The following CNTNAP2 variants were observed in gnomAD, a reference collection of about 807,000 sequenced individuals.
The protein encoded by CNTNAP2 is contactin-associated protein-like 2.
Under a neutral mutation model 155.2 loss-of-function variants are expected in CNTNAP2, and 98 were observed. The ratio of observed to expected loss-of-function variants is 0.63; its 90% CI spans 0.54 to 0.75. CNTNAP2 has a LOEUF of 0.75. Ranked by LOEUF, CNTNAP2 falls within the 30% of genes least tolerant of loss-of-function variation. CNTNAP2 has a pLI of 0.00. For missense variants in CNTNAP2, 1,727 were observed against 1,688.1 expected, an observed-to-expected ratio of 1.02 and a Z score of -0.40; for synonymous variants, 651 against 631.2, an observed-to-expected ratio of 1.03 and a Z score of -0.47.
intron 9 of CNTNAP2, among the ~76,000 whole-genome samples, chr7:147,384,110 G>A (rs1796588518): frequency 6.6e-6 from 1 of 152,140 alleles, no homozygotes; most frequent in Non-Finnish European, 1.5e-5. Context: ...GGAAGAAAGG[G>A]TTTGGTTTTC....
In CNTNAP2 at chr7:146,218,540, C is replaced by CAA. The variant is rs78215145; in HGVS notation, c.97+101574_97+101575dup. On this transcript the variant is annotated intron_variant, in intron 1 of 23. Transcript: ENST00000361727. ...AAAAACAAAAACAAAAACAAACAAA[C>CAA]AAAAAAAATTGCCATCAAGGTTAAA... is the stretch of plus-strand genomic sequence containing the variant. Among the ~76,000 whole-genome samples the CAA allele has an allele frequency of 3.5e-3, 522 of 151,212 alleles. 3 individuals are homozygous for CAA. The highest frequency in any genetic ancestry group is 9.8e-3 in the South Asian group (47 of 4,812).
At chr7:147,375,324 G>A (rs1394364658) in intron 9 of CNTNAP2, among the ~76,000 whole-genome samples, 1 of 151,916 alleles carries the variant, frequency 6.6e-6, no homozygotes, top group Non-Finnish European at 1.5e-5. Context: ...CAATTTTTAA[G>A]TAACTCAGTA....
At chr7:147,980,933 C>CA (rs34927518) in intron 15 of CNTNAP2, among the ~76,000 whole-genome samples, 2,892 of 93,940 alleles carry the variant, frequency 0.031, 182 homozygotes, top group African/African-American at 0.11. Context: ...TCCATCTTAA[C>CA]AAAAAAAAAA....
intron 13 of CNTNAP2, among the ~76,000 whole-genome samples, chr7:147,722,431 T>C (rs994080940): frequency 2.0e-5 from 3 of 152,128 alleles, no homozygotes; most frequent in East Asian, 1.9e-4. Flanking sequence ...AAAACTCTTA[T>C]CAAAGTATGA....
chr7:147,919,283 A>T (rs1800215795), intron 14 of CNTNAP2, among the ~76,000 whole-genome samples: 1 of 151,488 alleles, frequency 6.6e-6, no homozygotes, highest in Non-Finnish European at 1.5e-5. Context: ...TATGTTTGTC[A>T]GGTTTTGTTT....
rs565532346 is a variant in CNTNAP2, at chr7:147,717,573, G to A, written c.2098+78267G>A. On this transcript the variant is annotated intron_variant, in intron 13 of 23. Transcript: ENST00000361727. ...TTATTTCTTCCAATTTAGAATTTAC[G>A]GTGAGTTATAGAACTTACACTGCAA... Among the ~76,000 whole-genome samples, 54 of 152,028 alleles carry A rather than the reference G, an allele frequency of 3.6e-4. 1 individual carries two copies. Among genetic ancestry groups the A allele is most frequent in the African/African-American group, 1.2e-3 (48 of 41,464 alleles).
intron 2 of CNTNAP2, among the ~76,000 whole-genome samples, chr7:146,774,958 T>G (rs1346344345): frequency 6.6e-6 from 1 of 152,146 alleles, no homozygotes; most frequent in African/African-American, 2.4e-5. Context: ...TTTCTAGCAA[T>G]TCACTGAGAG....
intron 11 of CNTNAP2, among the ~76,000 whole-genome samples, chr7:147,496,269 T>TC (rs1337436927): frequency 6.6e-6 from 1 of 152,158 alleles, no homozygotes; most frequent in Non-Finnish European, 1.5e-5. Context: ...GAAACCAGTC[T>TC]CTGGTGCCAA....
chr7:147,789,700 G>C (rs1201108824), intron 13 of CNTNAP2, among the ~76,000 whole-genome samples: 2 of 152,204 alleles, frequency 1.3e-5, no homozygotes, highest in Non-Finnish European at 2.9e-5. Context: ...TTGGCTGCTA[G>C]CAGGGCAAGA....
chr7:147,048,685 C>T (rs1799414833), intron 4 of CNTNAP2, among the ~76,000 whole-genome samples: 1 of 152,164 alleles, frequency 6.6e-6, no homozygotes, highest in South Asian at 2.1e-4. Context: ...AACTGTGGAA[C>T]CAAATTTTTA....
intron 8 of CNTNAP2, among the ~76,000 whole-genome samples, chr7:147,183,446 A>C (rs1802506797): frequency 6.6e-6 from 1 of 152,132 alleles, no homozygotes; most frequent in Non-Finnish European, 1.5e-5. Context: ...AGTCCTTTAC[A>C]CCATCTCGTC....
intron 1 of CNTNAP2, among the ~76,000 whole-genome samples, chr7:146,530,474 T>C (rs372240130): frequency 2.8e-4 from 43 of 152,206 alleles, no homozygotes; most frequent in African/African-American, 9.6e-4. Flanking sequence ...AGTTACAAAC[T>C]GTGCATCCAA....
intron 14 of CNTNAP2, among the ~76,000 whole-genome samples, chr7:147,905,815 C>T (rs865885733): frequency 6.6e-5 from 10 of 151,782 alleles, no homozygotes; most frequent in Admixed American, 1.3e-4. Context: ...ACCCAGGAGG[C>T]GGAGCTTGCA....
chr7:146,465,835 C>G (rs1796709682), intron 1 of CNTNAP2, among the ~76,000 whole-genome samples: 1 of 152,094 alleles, frequency 6.6e-6, no homozygotes. Flanking sequence ...TTGGCTAAGA[C>G]ACTAAGAATG....
At chr7:146,888,847 G>T (rs1482688410) in intron 3 of CNTNAP2, among the ~76,000 whole-genome samples, 1 of 151,960 alleles carries the variant, frequency 6.6e-6, no homozygotes, top group African/African-American at 2.4e-5. Flanking sequence ...AGGGGAAGGG[G>T]AAATGGGGAT....
intron 1 of CNTNAP2, among the ~76,000 whole-genome samples, chr7:146,286,075 T>C (rs1365840641): frequency 2.3e-5 from 3 of 131,018 alleles, no homozygotes; most frequent in African/African-American, 9.0e-5. Context: ...TCCCAGGCAG[T>C]TGGTTTATAG....
rs147165385 is a variant in CNTNAP2, at chr7:147,435,915, T to A, written c.1670+40135T>A. 7.8e-3 allele frequency among the ~76,000 whole-genome samples: 1,194 copies of A among 152,348 alleles called. 13 individuals are homozygous for A. Among genetic ancestry groups the A allele is most frequent in the African/African-American group, 0.027 (1,125 of 41,578 alleles). On this transcript the variant is annotated intron_variant, in intron 10 of 23. Coordinates refer to ENST00000361727, the MANE Select transcript of CNTNAP2 (RefSeq NM_014141.6). ...ATAAGTATGTAATAAAACTTATCTCTCTTTTTACTCCTTATTTCTTATTAC... is the reference window on the plus strand; with the variant it reads ...ATAAGTATGTAATAAAACTTATCTCACTTTTTACTCCTTATTTCTTATTAC...
At chr7:147,649,070 A>G (rs1795410757) in intron 13 of CNTNAP2, among the ~76,000 whole-genome samples, 1 of 152,188 alleles carries the variant, frequency 6.6e-6, no homozygotes, top group Non-Finnish European at 1.5e-5. Context: ...GGTCAGTTCC[A>G]GTATTTCTGA....
chr7:147,363,511 T>C (rs983574302), intron 9 of CNTNAP2, among the ~76,000 whole-genome samples: 1 of 152,220 alleles, frequency 6.6e-6, no homozygotes, highest in Non-Finnish European at 1.5e-5. Context: ...AGCTGAGGCA[T>C]AATTTTTCTT....
Sources: gnomAD v4.1 joint callset for allele counts (sites outside exome capture counted in the v4.1 genomes callset) on GRCh38, gnomAD v4.1.1 for gene constraint, MANE v1.5 for transcripts, NCBI Gene and HGNC (gene_info 2026-07-23, HGNC 2026-07-21) for gene names.